POU2F2: variants seen among roughly 807,000 people sequenced by gnomAD.
The protein encoded by POU2F2 is POU domain, class 2, transcription factor 2.
POU2F2 carries 14 observed loss-of-function variants against 63.5 expected under a neutral mutation model. The ratio of observed to expected loss-of-function variants is 0.22; its 90% confidence interval spans 0.15 to 0.34. The LOEUF (loss-of-function observed/expected upper bound fraction) is 0.34, where lower values mean the gene tolerates loss of function less well. POU2F2 is among the 10% of genes least tolerant of loss of function. The pLI, the probability that POU2F2 is intolerant of heterozygous loss-of-function variation, is 1.00. For synonymous variants in POU2F2, 306 were observed against 348.6 expected (o/e 0.88, Z 1.36); for missense variants, 607 against 815.2 (o/e 0.74, Z 3.11).
At chr19:42,120,563 T>C (rs1463282416) in intron 4 of POU2F2, among the ~76,000 whole-genome samples, 2 of 152,204 alleles carry the variant, frequency 1.3e-5, no homozygotes, top group Non-Finnish European at 2.9e-5. Flanking sequence ...AAGCCTCTTT[T>C]TTAACAGGCC....
intron 1 of POU2F2, among the ~76,000 whole-genome samples, chr19:42,167,959 T>A (rs776831230): frequency 2.0e-5 from 3 of 152,220 alleles, no homozygotes; most frequent in Non-Finnish European, 4.4e-5. Flanking sequence ...TCTGGGTGAC[T>A]GGGCATGCAG....
intron 1 of POU2F2, among the ~76,000 whole-genome samples, chr19:42,192,762 T>C (rs1449505897): frequency 1.3e-5 from 2 of 152,100 alleles, no homozygotes; most frequent in South Asian, 2.1e-4. Context: ...TAAACCACAA[T>C]GATAAACTGC....
intron 1 of POU2F2, chr19:42,160,539 C>G (rs1431883136): frequency 6.6e-6 from 1 of 152,212 alleles, no homozygotes; most frequent in African/African-American, 2.4e-5. Flanking sequence ...GCCTGGAACT[C>G]AGGTCCAGTC....
upstream of POU2F2, chr19:42,133,430 G>GC (rs1467880899): frequency 1.3e-5 from 2 of 154,572 alleles, no homozygotes; most frequent in Non-Finnish European, 1.5e-5. This position sits in a 1 kb window ranked among gnomAD's most constrained non-coding sequence, Gnocchi z 5.1. Context: ...CGAGTCCGCT[G>GC]CCCTCTTCCT....
At chr19:42,129,749 C>T (rs1477315850) in intron 1 of POU2F2, among the ~76,000 whole-genome samples, 1 of 152,236 alleles carries the variant, frequency 6.6e-6, no homozygotes, top group Non-Finnish European at 1.5e-5. Flanking sequence ...TCACCCCTCC[C>T]CACCCCACAG....
intron 1 of POU2F2, among the ~76,000 whole-genome samples, chr19:42,165,313 G>T (rs571189082): frequency 2.6e-5 from 4 of 152,224 alleles, no homozygotes; most frequent in Non-Finnish European, 5.9e-5. Flanking sequence ...AGTGGGCGGG[G>T]TAGTACCAAG....
chr19:42,180,395 A>G (rs1053707462), upstream of POU2F2, among the ~76,000 whole-genome samples: 1 of 152,178 alleles, frequency 6.6e-6, no homozygotes, highest in Non-Finnish European at 1.5e-5. Flanking sequence ...GGGTGTATAT[A>G]ATGACAACCC....
intron 1 of POU2F2, among the ~76,000 whole-genome samples, chr19:42,195,087 A>AAGAAAGGAAGGG (rs2035123856): frequency 2.3e-4 from 2 of 8,762 alleles, no homozygotes; most frequent in South Asian, 7.9e-3. Context: ...GGGAGGGAGG[A>AAGAAAGGAAGGG]AGGGAGGAAG....
chr19:42,186,558 T>C (rs1426642180), intron 1 of POU2F2, among the ~76,000 whole-genome samples: 1 of 151,694 alleles, frequency 6.6e-6, no homozygotes, highest in Non-Finnish European at 1.5e-5. Flanking sequence ...TAGGAGGCCA[T>C]GGGGAGCCGC....
intron 2 of POU2F2, among the ~76,000 whole-genome samples, chr19:42,141,108 G>A (rs917685937): frequency 2.0e-5 from 3 of 152,174 alleles, no homozygotes; most frequent in African/African-American, 7.2e-5. Flanking sequence ...GTATCCCCGG[G>A]CTTTAGCACT....
rs2034432725 is a variant in POU2F2, at chr19:42,155,087, G to A, written c.-9+5245C>T. ...GCCTGGGGGGTGGGGGGCCAGGTGTGAGGTCCTTCCTTCCTGCCCCACAGT... is the reference window on the plus strand; with the variant it reads ...GCCTGGGGGGTGGGGGGCCAGGTGTAAGGTCCTTCCTTCCTGCCCCACAGT... On this transcript the variant is annotated intron_variant, in intron 2 of 6. Transcript: ENST00000524801. This position sits in a 1 kb window ranked among gnomAD's most constrained non-coding sequence, Gnocchi z 4.2. Among the ~76,000 whole-genome samples, 1 of 152,184 alleles carries A rather than the reference G, an allele frequency of 6.6e-6. No homozygotes were observed.
upstream of POU2F2, among the ~76,000 whole-genome samples, chr19:42,197,125 A>G (rs1270810695): frequency 6.6e-6 from 1 of 152,208 alleles, no homozygotes; most frequent in African/African-American, 2.4e-5. Flanking sequence ...GGAGAGCCTC[A>G]GCCTTAGGTC....
intron 1 of POU2F2, among the ~76,000 whole-genome samples, chr19:42,123,939 G>C (rs1600131419): frequency 6.6e-6 from 1 of 151,934 alleles, no homozygotes. Context: ...CAAAATCCCT[G>C]CCTAAACCAT....
At chr19:42,093,737 C>A in intron 12 of POU2F2, 92 bp downstream of exon 12, 1 of 1,325,118 alleles carries the variant, frequency 7.5e-7, no homozygotes, top group Non-Finnish European at 1.1e-6. Context: ...AGTCTTGAGG[C>A]CCATGGACAC....
intron 2 of POU2F2, among the ~76,000 whole-genome samples, chr19:42,149,231 A>C (rs1473538391): frequency 6.6e-6 from 1 of 152,090 alleles, no homozygotes; most frequent in Non-Finnish European, 1.5e-5. Flanking sequence ...TGTGGCAGAC[A>C]GATGGGCCCC....
At chr19:42,107,214 G>A (rs965976940) in intron 5 of POU2F2, among the ~76,000 whole-genome samples, 2 of 152,016 alleles carry the variant, frequency 1.3e-5, no homozygotes, top group African/African-American at 4.8e-5. Flanking sequence ...AATTAGCCAG[G>A]TGTGGTGGCG....
At position 42,087,829 on chromosome 19, in the gene POU2F2, T is replaced by C. The variant is rs1599892782; in HGVS notation, c.*3428A>G. On this transcript the variant is annotated 3_prime_UTR_variant, in exon 15 of 15. Coordinates refer to ENST00000692977, the MANE Select transcript of POU2F2 (RefSeq NM_001394376.1). Reference sequence around the variant, plus strand: ...GGGGTTGCCCTCCCCATCCCCCACATAAAGCTCCCCAGCCCTCCAACTCTC... The same window carrying C: ...GGGGTTGCCCTCCCCATCCCCCACACAAAGCTCCCCAGCCCTCCAACTCTC... The C allele has an allele frequency of 6.6e-6, 1 of 151,518 alleles. No individual in the cohort carries two copies. The allele number at this position is 151,518 out of a possible 1,614,324, so 9.4% of individuals were successfully genotyped here. A position where few individuals can be genotyped will look rare whatever the true frequency, so the allele number is the denominator to read the frequency against.
chr19:42,105,177 C>T (rs1034925406), intron 5 of POU2F2, among the ~76,000 whole-genome samples: 1 of 152,112 alleles, frequency 6.6e-6, no homozygotes, highest in African/African-American at 2.4e-5. Flanking sequence ...TTGTTTCAAA[C>T]ATTGTCTTTT....
Position 42,091,435 on chromosome 19 carries a change from C to G in POU2F2, c.1697G>C (p.Gly566Ala). 6.4e-7 allele frequency: 1 copy of G among 1,550,482 alleles called. No individual in the cohort carries two copies. Among genetic ancestry groups the G allele is most frequent in the African/African-American group, 1.4e-5 (1 of 73,128 alleles). The change falls in exon 15 of 15, where the codon GGT becomes GCT. Residue 566 changes from glycine to alanine, a missense_variant. Physicochemically the swap from Gly to Ala is moderately conservative, Grantham distance 60. Around this residue, in one of 7 missense-constraint regions of POU2F2, gnomAD observed 270 missense variants for 307.5 expected, o/e 0.88. Coordinates refer to ENST00000692977, the MANE Select transcript of POU2F2 (RefSeq NM_001394376.1). ...AGLPLLSTPP[G>A]VGLVSAAAAA... The stretch of plus-strand genomic sequence containing the variant: ...AGCCGCTGCTGAGACCAGGCCCACA[C>G]CAGGCGGGGTGCTGAGCAGGGGCAG...
Sources: gnomAD v4.1 joint callset for allele counts (sites outside exome capture counted in the v4.1 genomes callset) on GRCh38, gnomAD v4.1.1 for gene constraint, gnomAD v4.1.1 regional missense constraint, Gnocchi (gnomAD v3.1) non-coding constraint, MANE v1.5 for transcripts, NCBI Gene and HGNC (gene_info 2026-07-23, HGNC 2026-07-21) for gene names.